KYNU: variants seen among roughly 807,000 people sequenced by gnomAD.
The protein encoded by KYNU is L-kynurenine hydrolase.
KYNU carries 54 observed loss-of-function variants against 59.2 expected under a neutral mutation model. The ratio of observed to expected loss-of-function variants is 0.91; its 90% CI spans 0.73 to 1.14. The LOEUF is 1.14. Ranked by LOEUF, KYNU falls within the 50% of genes most tolerant of loss-of-function variation. KYNU has a pLI of 0.00. For synonymous variants in KYNU, 177 were observed against 192.0 expected, an observed-to-expected ratio of 0.92 and a Z score of 0.65; for missense variants, 567 against 554.4, an observed-to-expected ratio of 1.02 and a Z score of -0.23.
intron 4 of KYNU, among the ~76,000 whole-genome samples, chr2:142,931,211 T>C (rs1683204369): frequency 6.6e-6 from 1 of 152,224 alleles, no homozygotes; most frequent in African/African-American, 2.4e-5. Context: ...TTCATCTCCT[T>C]AAGCTTTCAG....
chr2:142,974,024 C>G (rs1389468300), intron 8 of KYNU, among the ~76,000 whole-genome samples: 1 of 152,154 alleles, frequency 6.6e-6, no homozygotes, highest in African/African-American at 2.4e-5. Context: ...TAAAGTTGCC[C>G]AAAACCACAA....
chr2:142,886,784 A>C (rs866088955), intron 2 of KYNU, among the ~76,000 whole-genome samples: 3 of 152,238 alleles, frequency 2.0e-5, no homozygotes, highest in Non-Finnish European at 4.4e-5. Flanking sequence ...GAGGACCCAC[A>C]TGAGACAAGT....
intron 4 of KYNU, among the ~76,000 whole-genome samples, chr2:142,944,745 T>C (rs1201675671): frequency 6.6e-6 from 1 of 152,216 alleles, no homozygotes; most frequent in Non-Finnish European, 1.5e-5. Context: ...AGAAATCTAA[T>C]TTGAACCAAA....
intron 2 of KYNU, among the ~76,000 whole-genome samples, chr2:142,903,781 C>G (rs964004166): frequency 6.6e-6 from 1 of 152,168 alleles, no homozygotes; most frequent in Non-Finnish European, 1.5e-5. Context: ...CAGTGATTCC[C>G]TTGACATAAG....
chr2:142,948,531 A>G (rs1002812205), intron 4 of KYNU, among the ~76,000 whole-genome samples: 3 of 152,238 alleles, frequency 2.0e-5, no homozygotes, highest in Admixed American at 6.5e-5. Flanking sequence ...GGCAGAAGGT[A>G]AGGAGGAGAG....
chr2:142,991,156 T>G (rs552716893), intron 10 of KYNU, among the ~76,000 whole-genome samples: 11 of 152,090 alleles, frequency 7.2e-5, no homozygotes, highest in African/African-American at 2.6e-4. Context: ...TTTGCACATT[T>G]GTTCAGGGGA....
intron 8 of KYNU, among the ~76,000 whole-genome samples, chr2:142,977,386 T>TATATATATATATATATATATATATATATA (rs1684923429): frequency 6.7e-6 from 1 of 150,342 alleles, no homozygotes; most frequent in Non-Finnish European, 1.5e-5. Flanking sequence ...TATATATATA[T>TATATATATATATATATATATATATATATA]GAATAATCAT....
chr2:142,958,637 T>C lies in KYNU; in HGVS notation c.582+922T>C, dbSNP rs191908278. On this transcript the variant is annotated intron_variant, in intron 7 of 13. Transcript: ENST00000264170. ...AGGATATAAATTGAGAGGATATAAATTGTTAATTTCTAGCAAAAATGAACA... is the reference window on the plus strand; with the variant it reads ...AGGATATAAATTGAGAGGATATAAACTGTTAATTTCTAGCAAAAATGAACA... 1.6e-3 allele frequency among the ~76,000 whole-genome samples: 247 copies of C among 152,310 alleles called. 2 individuals carry two copies. Among genetic ancestry groups the C allele is most frequent in the African/African-American group, 5.7e-3 (235 of 41,578 alleles).
At chr2:143,002,205 T>G (rs1685725448) in intron 10 of KYNU, among the ~76,000 whole-genome samples, 1 of 152,192 alleles carries the variant, frequency 6.6e-6, no homozygotes, top group African/African-American at 2.4e-5. Context: ...GATATTAGCA[T>G]GAAATAATGA....
chr2:142,881,920 T>G (rs868091841), intron 1 of KYNU, among the ~76,000 whole-genome samples: 1 of 142,538 alleles, frequency 7.0e-6, no homozygotes, highest in Non-Finnish European at 1.5e-5. Flanking sequence ...TTTTTTCTTT[T>G]TTTTTTTTTT....
At chr2:142,957,589 T>C (rs540245049) in intron 6 of KYNU, 52 bp from the exon 7 acceptor site, 7 of 1,074,884 alleles carry the variant, frequency 6.5e-6, no homozygotes, top group Middle Eastern at 2.0e-4. Context: ...TATTTCAATG[T>C]ACTTCTGTGC....
At chr2:142,971,155 A>G (rs941595617) in intron 8 of KYNU, 1 of 152,136 alleles carries the variant, frequency 6.6e-6, no homozygotes, top group Admixed American at 6.6e-5. Context: ...ACAACAATGG[A>G]CCTTCATTCC....
chr2:142,895,229 A>G (rs1208864452), intron 2 of KYNU, among the ~76,000 whole-genome samples: 1 of 152,204 alleles, frequency 6.6e-6, no homozygotes, highest in Admixed American at 6.5e-5. Flanking sequence ...ACCTTCTCTC[A>G]GTATATAGAA....
At chr2:142,989,219 T>A in intron 10 of KYNU, 1 of 336,434 alleles carries the variant, frequency 3.0e-6, no homozygotes, top group South Asian at 4.3e-5. Flanking sequence ...AACTTTAGAG[T>A]CTGTATGACT....
chr2:142,920,987 G>A (rs1449044604), intron 3 of KYNU, among the ~76,000 whole-genome samples: 1 of 152,306 alleles, frequency 6.6e-6, no homozygotes, highest in South Asian at 2.1e-4. Context: ...GTTCTGTTGG[G>A]AGGAAACTTT....
Position 143,042,160 on chromosome 2 carries a change from A to C in KYNU, c.1386A>C (p.Glu462Asp), listed in dbSNP as rs774652784. ...NLLTSILDSA[E>D]TKN ...TCACTTCTATACTTGACTCTGCAGAAACAAAAAATTAGCAGTGTTTTCTAG... is the reference window on the plus strand; with the variant it reads ...TCACTTCTATACTTGACTCTGCAGACACAAAAAATTAGCAGTGTTTTCTAG... The change falls in exon 14 of 14, where the codon GAA becomes GAC. Residue 462 changes from glutamate to aspartate, a missense_variant. By Grantham distance (45) the Glu-to-Asp change is conservative. Coordinates refer to ENST00000264170, the MANE Select transcript of KYNU (RefSeq NM_003937.3). 2.0e-5 allele frequency: 32 copies of C among 1,609,556 alleles called. No homozygotes were observed. The East Asian group carries it at 3.1e-4, about 16-fold the overall frequency.
At chr2:142,941,036 C>T (rs1450504989) in intron 4 of KYNU, among the ~76,000 whole-genome samples, 5 of 152,176 alleles carry the variant, frequency 3.3e-5, no homozygotes, top group African/African-American at 9.7e-5. Context: ...GTTCATCAGC[C>T]CAGAACCTCT....
chr2:142,921,400 T>TA (rs1427812127), intron 3 of KYNU, among the ~76,000 whole-genome samples: 5 of 152,318 alleles, frequency 3.3e-5, no homozygotes, highest in African/African-American at 1.2e-4. Context: ...CTGTGGCTGC[T>TA]CTTTGTTCAG....
chr2:142,949,387 G>T (rs982772645), intron 4 of KYNU, among the ~76,000 whole-genome samples: 6 of 152,234 alleles, frequency 3.9e-5, no homozygotes, highest in Non-Finnish European at 7.3e-5. Flanking sequence ...CCTAGCAGAG[G>T]TTCTCCATGA....
Sources: gnomAD v4.1 joint callset for allele counts (sites outside exome capture counted in the v4.1 genomes callset) on GRCh38, gnomAD v4.1.1 for gene constraint, MANE v1.5 for transcripts, NCBI Gene and HGNC (gene_info 2026-07-23, HGNC 2026-07-21) for gene names.